DCC: variants seen among roughly 807,000 people sequenced by gnomAD.
DCC encodes netrin receptor DCC.
A neutral mutation model predicts 172.5 loss-of-function variants in DCC; 58 were observed. That is an observed-to-expected ratio of 0.34 (90% CI 0.27 to 0.42). The LOEUF (loss-of-function observed/expected upper bound fraction) is 0.42. Among genes scored for constraint, DCC ranks in the 10% least tolerant of loss-of-function variants. The probability of loss-of-function intolerance (pLI) is 1.00; values close to 1 mark genes in which losing one functional copy is unlikely to be tolerated. For missense variants in DCC, 1,740 were observed against 1,791.0 expected (o/e 0.97, Z 0.51); for synonymous variants, 709 against 644.5 (o/e 1.10, Z -1.52).
At chr18:52,405,108 T>C (rs1200365614) in intron 1 of DCC, among the ~76,000 whole-genome samples, 1 of 151,438 alleles carries the variant, frequency 6.6e-6, no homozygotes, top group Non-Finnish European at 1.5e-5. Context: ...TTGTGAATAA[T>C]GCCACAATAA....
At position 53,045,915 on chromosome 18, in the gene DCC, G is replaced by A. The variant is rs543861456; in HGVS notation, c.986-17390G>A. Among the ~76,000 whole-genome samples, 4 of 151,896 alleles carry A rather than the reference G, an allele frequency of 2.6e-5. No individual in the cohort carries two copies. The South Asian group carries it at 8.3e-4, about 32-fold the overall frequency. On this transcript the variant is annotated intron_variant, in intron 5 of 28. Transcript: ENST00000442544. ...TGGTCAAAGACTGTTTTCATCGACT[G>A]GGCAGGAAACCATTCAAGTTTGTAG...
chr18:52,498,787 A>G (rs78553890), intron 1 of DCC, among the ~76,000 whole-genome samples: 595 of 152,180 alleles, frequency 3.9e-3, no homozygotes, highest in Non-Finnish European at 6.5e-3. Context: ...CTCACAGGAT[A>G]TAGAAAGAAA....
chr18:52,558,605 A>G (rs562240314), intron 1 of DCC, among the ~76,000 whole-genome samples: 1 of 152,300 alleles, frequency 6.6e-6, no homozygotes, highest in African/African-American at 2.4e-5. Context: ...AAACTTGGTG[A>G]GGTCAGTAGA....
At chr18:52,817,803 A>ATATATATGTGTGTG (rs375371359) in intron 2 of DCC, among the ~76,000 whole-genome samples, 2 of 151,428 alleles carry the variant, frequency 1.3e-5, no homozygotes, top group Admixed American at 6.6e-5. Flanking sequence ...ATATATATAT[A>ATATATATGTGTGTG]TGTGTGTGTG....
At chr18:52,873,151 G>A (rs2145387782) in intron 2 of DCC, among the ~76,000 whole-genome samples, 1 of 152,212 alleles carries the variant, frequency 6.6e-6, no homozygotes, top group Non-Finnish European at 1.5e-5. Context: ...GTCTCATCCA[G>A]AGTCACTCCC....
intron 2 of DCC, among the ~76,000 whole-genome samples, chr18:52,791,123 G>T (rs1386297976): frequency 6.6e-6 from 1 of 152,196 alleles, no homozygotes; most frequent in African/African-American, 2.4e-5. Flanking sequence ...CTCAATGGCT[G>T]CCTCAAATGG....
intron 7 of DCC, among the ~76,000 whole-genome samples, chr18:53,142,404 C>T (rs2144352426): frequency 6.6e-6 from 1 of 152,278 alleles, no homozygotes; most frequent in East Asian, 1.9e-4. Flanking sequence ...AATCCTAAAA[C>T]TTAACACTGT....
At chr18:52,445,296 G>A (rs1988088186) in intron 1 of DCC, among the ~76,000 whole-genome samples, 1 of 152,152 alleles carries the variant, frequency 6.6e-6, no homozygotes, top group Non-Finnish European at 1.5e-5. Context: ...GGTTACCACA[G>A]CCTCTGATTT....
intron 2 of DCC, among the ~76,000 whole-genome samples, chr18:52,862,306 AC>A (rs1271279272): frequency 6.6e-6 from 1 of 152,090 alleles, no homozygotes; most frequent in Non-Finnish European, 1.5e-5. Flanking sequence ...AAGGTTTAAA[AC>A]ACTTCATATC....
intron 2 of DCC, among the ~76,000 whole-genome samples, chr18:52,881,614 G>T (rs906586290): frequency 6.6e-6 from 1 of 152,020 alleles, no homozygotes; most frequent in Non-Finnish European, 1.5e-5. Context: ...TTTACTGTAA[G>T]TATATGGATT....
Position 53,447,505 on chromosome 18 carries a change from G to T in DCC, c.3230-2995G>T, listed in dbSNP as rs970724291. Among the ~76,000 whole-genome samples the T allele has an allele frequency of 3.9e-5, 6 of 152,074 alleles. No homozygotes were observed. The East Asian group carries it at 5.8e-4, about 15-fold the overall frequency. On this transcript the variant is annotated intron_variant, in intron 22 of 28. Coordinates refer to ENST00000442544, the MANE Select transcript of DCC (RefSeq NM_005215.4). ...AGCAGAATTCAGAGTTATTTTTTTT[G>T]ACTTGGAATATGATGTCTTCCAGGG...
chr18:53,152,738 T>C (rs1461773360), intron 7 of DCC, among the ~76,000 whole-genome samples: 1 of 152,210 alleles, frequency 6.6e-6, no homozygotes, highest in African/African-American at 2.4e-5. Flanking sequence ...GAAGTCCTGA[T>C]TGGTTCTTTA....
At chr18:52,511,653 C>A (rs919766794) in intron 1 of DCC, among the ~76,000 whole-genome samples, 1 of 152,184 alleles carries the variant, frequency 6.6e-6, no homozygotes, top group Non-Finnish European at 1.5e-5. Context: ...AAACAATCAT[C>A]CAGTCCCAAA....
chr18:52,672,579 C>T (rs2035573475), intron 1 of DCC, among the ~76,000 whole-genome samples: 2 of 151,926 alleles, frequency 1.3e-5, no homozygotes, highest in South Asian at 2.1e-4. Flanking sequence ...ATATCCCTCC[C>T]TCCCTTTCTT....
intron 1 of DCC, among the ~76,000 whole-genome samples, chr18:52,699,211 T>G (rs1172258746): frequency 6.6e-6 from 1 of 152,100 alleles, no homozygotes; most frequent in Non-Finnish European, 1.5e-5. Flanking sequence ...GTGCAAGATT[T>G]ACAGGCTAAC....
intron 19 of DCC, among the ~76,000 whole-genome samples, chr18:53,405,643 C>T (rs1199466348): frequency 6.6e-6 from 1 of 152,106 alleles, no homozygotes; most frequent in Admixed American, 6.5e-5. Context: ...TTCAGATAAT[C>T]ACAGTGCCTA....
At chr18:53,145,885 T>C (rs2043905161) in intron 7 of DCC, among the ~76,000 whole-genome samples, 1 of 152,200 alleles carries the variant, frequency 6.6e-6, no homozygotes, top group African/African-American at 2.4e-5. Context: ...CTGGAAGGTA[T>C]TTAACCAGCT....
At chr18:53,241,196 T>C (rs1417329021) in intron 12 of DCC, among the ~76,000 whole-genome samples, 2 of 152,060 alleles carry the variant, frequency 1.3e-5, no homozygotes, top group East Asian at 3.9e-4. Context: ...CTTGAGAAGG[T>C]GGCTTGGTAT....
intron 2 of DCC, among the ~76,000 whole-genome samples, chr18:52,898,413 G>A (rs1242265707): frequency 1.3e-5 from 2 of 152,170 alleles, no homozygotes; most frequent in African/African-American, 4.8e-5. Context: ...GAGGCGGCAA[G>A]TCTTGGCATA....
Sources: allele counts gnomAD v4.1 joint callset (sites outside exome capture counted in the v4.1 genomes callset), GRCh38; gene constraint gnomAD v4.1.1; transcripts MANE v1.5; gene names NCBI Gene and HGNC (gene_info 2026-07-23, HGNC 2026-07-21).